CACNA1E: variants seen among roughly 807,000 people sequenced by gnomAD.
CACNA1E encodes the protein calcium voltage-gated channel subunit alpha1 E, also known as voltage-dependent R-type calcium channel subunit alpha-1E.
CACNA1E carries 40 observed loss-of-function variants against 259.2 expected under a neutral mutation model. The ratio of observed to expected loss-of-function variants is 0.15; its 90% CI spans 0.12 to 0.20. The LOEUF (loss-of-function observed/expected upper bound fraction) is 0.20, where lower values mean the gene tolerates loss of function less well. Ranked by LOEUF, CACNA1E falls within the 10% of genes least tolerant of loss-of-function variation. The pLI is 1.00. For synonymous variants in CACNA1E, 1,104 were observed against 1,138.5 expected, an observed-to-expected ratio of 0.97 and a Z score of 0.61; for missense variants, 1,874 against 3,040.1, an observed-to-expected ratio of 0.62 and a Z score of 9.02.
At chr1:181,478,110 C>T (rs988665415) in intron 2 of CACNA1E, among the ~76,000 whole-genome samples, 1 of 152,246 alleles carries the variant, frequency 6.6e-6, no homozygotes, top group Non-Finnish European at 1.5e-5. Flanking sequence ...TGCACTTGGA[C>T]AAGTCCCTGA....
intron 1 of CACNA1E, among the ~76,000 whole-genome samples, chr1:181,371,028 G>A (rs1349446454): frequency 6.6e-6 from 1 of 152,148 alleles, no homozygotes. Flanking sequence ...GACTAGTGAT[G>A]TTGAGCATTT....
At chr1:181,609,148 T>C (rs551969256) in intron 6 of CACNA1E, among the ~76,000 whole-genome samples, 9 of 152,364 alleles carry the variant, frequency 5.9e-5, no homozygotes, top group African/African-American at 2.2e-4. Flanking sequence ...ACCTTTGTTG[T>C]AATGCCAATT....
At position 181,739,327 on chromosome 1, in the gene CACNA1E, T is replaced by C. The variant is rs577021885; in HGVS notation, c.3719+74T>C. ...AGACTCCAGTTGATTTGAAGCCCTT[T>C]CCAGAAATGCAACATGCAGGGTGAT... On this transcript the variant is annotated intron_variant, in intron 25 of 47. Transcript: ENST00000367573. 25 of 1,015,468 alleles carry C rather than the reference T, an allele frequency of 2.5e-5. No individual in the cohort carries two copies. The African/African-American group carries it at 4.0e-4, about 16-fold the overall frequency. 62.9% of individuals were successfully genotyped at this position (1,015,468 alleles called of 1,614,324 possible).
intron 1 of CACNA1E, among the ~76,000 whole-genome samples, chr1:181,375,752 G>A (rs932405249): frequency 1.3e-5 from 2 of 152,008 alleles, no homozygotes; most frequent in African/African-American, 4.8e-5. Flanking sequence ...CCTCCGTGAG[G>A]GATTTACTTC....
rs751230518 is a variant in CACNA1E, at chr1:181,776,052, G to A, written c.5140-49G>A. The A allele has an allele frequency of 6.4e-7, 1 of 1,566,956 alleles. No individual in the cohort carries two copies. The highest frequency in any genetic ancestry group is 8.7e-7 in the Non-Finnish European group (1 of 1,151,338). On this transcript the variant is annotated intron_variant, in intron 37 of 47. Coordinates refer to ENST00000367573, the MANE Select transcript of CACNA1E (RefSeq NM_001205293.3). This position sits in a 1 kb window ranked among gnomAD's most constrained non-coding sequence, Gnocchi z 4.4. ...TGAAGCCTGTTCTTCTGCTTCCTGA[G>A]CTCTGCTTTAGGTTTCCCCTAACCC...
chr1:181,482,776 G>A (rs985935457), upstream of CACNA1E, among the ~76,000 whole-genome samples: 3 of 152,372 alleles, frequency 2.0e-5, no homozygotes, highest in South Asian at 2.1e-4. Context: ...AGGCCGCCGC[G>A]AGGCTCGGCT....
chr1:181,532,983 C>T (rs1418935064), intron 3 of CACNA1E, among the ~76,000 whole-genome samples: 2 of 152,162 alleles, frequency 1.3e-5, no homozygotes, highest in Non-Finnish European at 1.5e-5. Context: ...GGAAGAGTGG[C>T]ATTCCCTATC....
chr1:181,755,865 C>T lies in CACNA1E; in HGVS notation c.3990-91C>T, dbSNP rs1186065000. On this transcript the variant is annotated intron_variant, in intron 28 of 47. Coordinates refer to ENST00000367573, the MANE Select transcript of CACNA1E (RefSeq NM_001205293.3). ...CACATGTATGGTGATCATTATTACCCCCACATTATTGCGGCCTGTAGAATG... is the reference window on the plus strand; with the variant it reads ...CACATGTATGGTGATCATTATTACCTCCACATTATTGCGGCCTGTAGAATG... 4.7e-6 allele frequency: 6 copies of T among 1,284,650 alleles called. No individual in the cohort carries two copies. In the Admixed American group the frequency reaches 6.8e-5, roughly 15 times the overall value. 79.6% of individuals were successfully genotyped at this position (1,284,650 alleles called of 1,614,324 possible).
intron 3 of CACNA1E, among the ~76,000 whole-genome samples, chr1:181,570,656 T>G (rs878906294): frequency 2.6e-5 from 4 of 152,240 alleles, no homozygotes; most frequent in African/African-American, 9.6e-5. Context: ...CTTGTGTTCT[T>G]TGGCCCTTGG....
At chr1:181,780,129 G>A (rs2102816537) in intron 38 of CACNA1E, among the ~76,000 whole-genome samples, 1 of 152,286 alleles carries the variant, frequency 6.6e-6, no homozygotes, top group Admixed American at 6.5e-5. Context: ...GTGAGAGTAG[G>A]TAAAAGAGGC....
chr1:181,429,661 A>G (rs1002694229), intron 2 of CACNA1E, among the ~76,000 whole-genome samples: 2 of 152,142 alleles, frequency 1.3e-5, no homozygotes, highest in African/African-American at 4.8e-5. Context: ...ATTATTACTC[A>G]TGTTTGTTAT....
chr1:181,745,055 G>A (rs1423167223), intron 25 of CACNA1E, among the ~76,000 whole-genome samples: 2 of 152,178 alleles, frequency 1.3e-5, no homozygotes, highest in Non-Finnish European at 2.9e-5. Flanking sequence ...CTTTTGAGGT[G>A]CCTACTACTA....
In CACNA1E at chr1:181,794,969, A is replaced by G. The variant is rs1446874338; in HGVS notation, c.6133A>G (p.Asn2045Asp). The G allele has an allele frequency of 6.2e-7, 1 of 1,613,992 alleles. No homozygotes were observed. The highest frequency in any genetic ancestry group is 1.7e-5 in the Admixed American group (1 of 60,034). Residue 2045 changes from asparagine (N) to aspartate (D), a missense_variant, in exon 46 of 48, where the codon AAT becomes GAT. Asn to Asp is a conservative substitution (Grantham distance 23). Transcript: ENST00000367573. ...ATTCTCCATGGAGCGAAGCAGTGAA[A>G]ATACCTACAAGTCCCGTCGCCGGAG... ...EEFSMERSSE[N>D]TYKSRRRSYH... is the part of the protein sequence containing the mutation.
At chr1:181,747,699 G>T (rs1215169252) in intron 25 of CACNA1E, among the ~76,000 whole-genome samples, 1 of 152,164 alleles carries the variant, frequency 6.6e-6, no homozygotes, top group Non-Finnish European at 1.5e-5. Flanking sequence ...TTATCAAACA[G>T]TTACATTTAA....
At chr1:181,615,163 A>G (rs917022612) in intron 6 of CACNA1E, among the ~76,000 whole-genome samples, 1 of 152,042 alleles carries the variant, frequency 6.6e-6, no homozygotes, top group Admixed American at 6.6e-5. Flanking sequence ...GTTTTATACT[A>G]TTTTGTGTAG....
chr1:181,775,975 C>T (rs772301309), intron 37 of CACNA1E, 126 bp from the exon 38 acceptor site: 10 of 812,538 alleles, frequency 1.2e-5, no homozygotes, highest in Admixed American at 2.3e-5. Context: ...TATTCCCTGT[C>T]CCTGCATACC....
At chr1:181,422,157 TCA>T (rs1658795628) in intron 2 of CACNA1E, among the ~76,000 whole-genome samples, 1 of 152,194 alleles carries the variant, frequency 6.6e-6, no homozygotes, top group Non-Finnish European at 1.5e-5. Flanking sequence ...CTGTCCTTCA[TCA>T]CACAGTCTAA....
intron 27 of CACNA1E, among the ~76,000 whole-genome samples, chr1:181,754,113 A>G (rs944263873): frequency 2.0e-5 from 3 of 152,184 alleles, no homozygotes; most frequent in Admixed American, 2.0e-4. Context: ...GACCCTTATC[A>G]GTATTGTCAG....
chr1:181,734,489 G>C (rs1448411813), intron 21 of CACNA1E, among the ~76,000 whole-genome samples: 221 of 52,642 alleles, frequency 4.2e-3, no homozygotes, highest in Middle Eastern at 0.014. Flanking sequence ...TGACCCCACA[G>C]CTCATCCCTG....
Sources: gnomAD v4.1 joint callset for allele counts (sites outside exome capture counted in the v4.1 genomes callset) on GRCh38, gnomAD v4.1.1 for gene constraint, Gnocchi (gnomAD v3.1) non-coding constraint, MANE v1.5 for transcripts, NCBI Gene and HGNC (gene_info 2026-07-23, HGNC 2026-07-21) for gene names.